PASK: variants seen among roughly 807,000 people sequenced by gnomAD.
The protein encoded by PASK is PAS domain containing serine/threonine kinase, also known as PAS domain-containing serine/threonine-protein kinase.
PASK carries 110 observed loss-of-function variants against 121.0 expected under a neutral mutation model. The observed-to-expected ratio is 0.91, with a 90% CI of 0.78 to 1.06. PASK has a LOEUF of 1.06. Ranked by LOEUF, PASK falls within the 50% of genes least tolerant of loss-of-function variation. PASK has a pLI of 0.00. For synonymous variants in PASK, 686 were observed against 717.8 expected (o/e 0.96, Z 0.71); for missense variants, 1,643 against 1,702.3 (o/e 0.97, Z 0.61).
At chr2:241,149,898 G>A, upstream of PASK, 4 of 1,439,954 alleles carry the variant, frequency 2.8e-6, no homozygotes, top group South Asian at 5.9e-5. Flanking sequence ...GGCCCCACCA[G>A]CGCAAGTGCC....
At position 241,126,329 on chromosome 2, in the gene PASK, T is replaced by G. The variant is rs768560677; in HGVS notation, c.2586A>C (p.Ala862=). The change falls in exon 10 of 18, where the codon GCA becomes GCC. Residue 862 remains alanine, a synonymous_variant. Coordinates refer to ENST00000234040, the MANE Select transcript of PASK (RefSeq NM_015148.4). ...CCTGGACGTTCAGCCTTGGCTCCTC[T>G]GCTGATGGGCACGTGTCCTCAGGGC... The part of the protein sequence containing the change: ...DAGPEDTCPS[A]EEPRLNVQVT... The G allele has an allele frequency of 1.5e-5, 24 of 1,614,228 alleles. No individual in the cohort carries two copies. In the South Asian group the frequency reaches 2.4e-4, roughly 16 times the overall value.
intron 12 of PASK, among the ~76,000 whole-genome samples, chr2:241,118,243 A>T (rs1358330235): frequency 6.6e-6 from 1 of 152,204 alleles, no homozygotes; most frequent in Non-Finnish European, 1.5e-5. Flanking sequence ...ACAAAGTTGA[A>T]GGACTAGCAT....
intron 1 of PASK, among the ~76,000 whole-genome samples, chr2:241,149,139 C>CGGGCAGGCTACACTGAA (rs1350670744): frequency 6.6e-6 from 1 of 151,042 alleles, no homozygotes; most frequent in Non-Finnish European, 1.5e-5. Flanking sequence ...CGGCGCCCAC[C>CGGGCAGGCTACACTGAA]GGGCAGGCTA....
At position 241,140,726 on chromosome 2, in the gene PASK, G is replaced by A; in HGVS notation, c.224C>T (p.Ser75Leu). Residue 75 changes from serine (S) to leucine (L), a missense_variant, in exon 3 of 18, where the codon TCA becomes TTA. Ser to Leu is a moderately radical substitution (Grantham distance 145). This residue lies in a region of PASK where 1,176 missense variants were observed against 1,162.2 expected (regional missense o/e 1.01). Coordinates refer to ENST00000234040, the MANE Select transcript of PASK (RefSeq NM_015148.4). ...SEDRWSSYCL[S>L]SLAAQNICTS... ...ACAAATATTCTGGGCAGCCAGTGAT[G>A]ATAGACAATAGGAGCTCCATCTGTC... The A allele has an allele frequency of 6.2e-7, 1 of 1,612,940 alleles. No individual in the cohort carries two copies.
rs1210730752 is a variant in PASK, at chr2:241,143,550, CAAAAAAAAAGAA to C, written c.-42-488_-42-477del. The stretch of plus-strand genomic sequence containing the variant: ...TGGGCGATAGAGAGAGACTCCATGT[CAAAAAAAAAGAA>C]AAAAAAAAAGAAGCTCTTTCCAAGA... On this transcript the variant is annotated intron_variant, in intron 1 of 17. Coordinates refer to ENST00000234040, the MANE Select transcript of PASK (RefSeq NM_015148.4). Among the ~76,000 whole-genome samples, 6 of 115,550 alleles carry C rather than the reference CAAAAAAAAAGAA, an allele frequency of 5.2e-5. No homozygotes were observed. The East Asian group carries it at 7.5e-4, about 15-fold the overall frequency. 75.8% of individuals were successfully genotyped at this position (115,550 alleles called of 152,430 possible).
intron 10 of PASK, among the ~76,000 whole-genome samples, chr2:241,124,897 T>C (rs2065785099): frequency 6.6e-6 from 1 of 152,228 alleles, no homozygotes; most frequent in South Asian, 2.1e-4. Flanking sequence ...CCAGGCATGG[T>C]GGCTCATGCC....
intron 15 of PASK, among the ~76,000 whole-genome samples, chr2:241,110,036 G>C (rs1340618841): frequency 1.3e-5 from 2 of 152,238 alleles, no homozygotes; most frequent in Admixed American, 6.5e-5. Context: ...ACAACATAAA[G>C]ATGGAAGCAA....
chr2:241,149,485 C>A, upstream of PASK: 1 of 649,462 alleles, frequency 1.5e-6, no homozygotes, highest in Non-Finnish European at 2.6e-6. Flanking sequence ...TTTTATCCCA[C>A]CGACCAATCG....
At chr2:241,122,922 T>C in intron 11 of PASK, 23 bp from the exon 12 acceptor site, 1 of 1,612,224 alleles carries the variant, frequency 6.2e-7, no homozygotes, top group Non-Finnish European at 8.5e-7. Context: ...AGAAGGTCTG[T>C]GGGGTCACAT....
In PASK at chr2:241,106,165, C is replaced by T. The variant is rs543929072; in HGVS notation, c.*401G>A. ...TGAGGAAATAAATTAATGAAATAGTCTGGCCATTTGACTAACCAGTTCTAC... is the reference window on the plus strand; with the variant it reads ...TGAGGAAATAAATTAATGAAATAGTTTGGCCATTTGACTAACCAGTTCTAC... On this transcript the variant is annotated 3_prime_UTR_variant, in exon 18 of 18. Coordinates refer to ENST00000234040, the MANE Select transcript of PASK (RefSeq NM_015148.4). 3 of 239,838 alleles carry T rather than the reference C, an allele frequency of 1.3e-5. No individual in the cohort carries two copies. Among genetic ancestry groups the T allele is most frequent in the Non-Finnish European group, 2.5e-5 (3 of 122,220 alleles). The allele number at this position is 239,838 out of a possible 1,614,324, so 14.9% of individuals were successfully genotyped here.
chr2:241,126,349 C>G lies in PASK; in HGVS notation c.2566G>C (p.Glu856Gln). The change falls in exon 10 of 18, where the codon GAG becomes CAG. Residue 856 changes from glutamate (E) to glutamine (Q), a missense_variant. Coordinates refer to ENST00000234040, the MANE Select transcript of PASK (RefSeq NM_015148.4). The stretch of plus-strand genomic sequence containing the variant: ...TCCTCTGCTGATGGGCACGTGTCCT[C>G]AGGGCCAGCATCCAACGTGGAAGGA... ...HVPSTLDAGPEDTCPSAEEPR... is the reference protein window; with the variant it reads ...HVPSTLDAGPQDTCPSAEEPR... The G allele has an allele frequency of 6.2e-7, 1 of 1,614,254 alleles. No homozygotes were observed. Among genetic ancestry groups the G allele is most frequent in the Non-Finnish European group, 8.5e-7 (1 of 1,180,048 alleles).
chr2:241,138,714 G>A lies in PASK; in HGVS notation c.681C>T (p.Cys227=), dbSNP rs143498945. Residue 227 remains cysteine (C), a synonymous_variant, in exon 5 of 18, where the codon TGC becomes TGT. Transcript: ENST00000234040. ...CCACGGGCTCCAGGACCACCACGCAGCATAGGCGGCGCTCCTGCCGCATCC... is the reference window on the plus strand; with the variant it reads ...CCACGGGCTCCAGGACCACCACGCAACATAGGCGGCGCTCCTGCCGCATCC... ...MKRMRQERRL[C]CVVVLEPVER... 1,063 of 1,614,016 alleles carry A rather than the reference G, an allele frequency of 6.6e-4. 2 individuals are homozygous for A. The highest frequency in any genetic ancestry group is 8.2e-4 in the Non-Finnish European group (968 of 1,180,018).
chr2:241,107,456 C>G lies in PASK; in HGVS notation c.3711G>C (p.Glu1237Asp). The G allele has an allele frequency of 6.2e-7, 1 of 1,614,110 alleles. No homozygotes were observed. Among genetic ancestry groups the G allele is most frequent in the Non-Finnish European group, 8.5e-7 (1 of 1,179,972 alleles). Residue 1237 changes from glutamate (E) to aspartate (D), a missense_variant, in exon 17 of 18, where the codon GAG becomes GAC. Around this residue, in one of 3 missense-constraint regions of PASK, gnomAD observed 453 missense variants for 511.2 expected, o/e 0.89. Coordinates refer to ENST00000234040, the MANE Select transcript of PASK (RefSeq NM_015148.4). ...CCAGCTTCTCCAAGGTGGTGCGTCT[C>G]TCAGGGACTGGCTGCAGCAGCCCAG... ...LVSGLLQPVP[E>D]RRTTLEKLVT... is the part of the protein sequence containing the mutation.
rs754183616 is a variant in PASK, at chr2:241,122,873, C to T, written c.2931G>A (p.Glu977=). ...CCAGTTCCACAGCCTTGGGGGGCTC[C>T]TCAAACCAGGGTCTGGCTCTGAGCA... ...VEVLRARPWF[E]EPPKAVELEG... Residue 977 remains glutamate (E), a synonymous_variant, in exon 12 of 18, where the codon GAG becomes GAA. Transcript: ENST00000234040. 1.9e-5 allele frequency: 30 copies of T among 1,613,978 alleles called. No homozygotes were observed. In the South Asian group the frequency reaches 2.4e-4, roughly 13 times the overall value.
chr2:241,133,088 C>A, intron 8 of PASK, 58 bp from the exon 9 acceptor site: 2 of 1,544,366 alleles, frequency 1.3e-6, no homozygotes, highest in Non-Finnish European at 1.8e-6. Flanking sequence ...TAAAACGAAT[C>A]TGCTCATTCG....
intron 9 of PASK, chr2:241,127,737 C>T (rs1211813621): frequency 7.0e-6 from 3 of 427,310 alleles, no homozygotes; most frequent in Non-Finnish European, 1.3e-5. Context: ...CTCGCTTCAT[C>T]TCAGGGCCCC....
chr2:241,117,116 AG>A (rs3214252), intron 12 of PASK, among the ~76,000 whole-genome samples: 28,617 of 149,010 alleles, frequency 0.19, 2,891 homozygotes, highest in Middle Eastern at 0.33. Context: ...GGGCATCGGG[AG>A]GGCATCGGGG....
rs141991120 is a variant in PASK at position 241,112,440 on chromosome 2, C to T, written c.3334-1G>A. 66 of 1,610,506 alleles carry T rather than the reference C, an allele frequency of 4.1e-5. No homozygotes were observed. The highest frequency in any genetic ancestry group is 5.2e-5 in the Non-Finnish European group (61 of 1,177,318). On this transcript the variant is annotated splice_acceptor_variant, in intron 14 of 17. Coordinates refer to ENST00000234040, the MANE Select transcript of PASK (RefSeq NM_015148.4). LOFTEE classifies it high-confidence loss of function. The surrounding 1 kb of genome is among the most constrained non-coding windows in gnomAD (Gnocchi z 5.2). ...GCAGGTATCCCACTGCTGACACTAG[C>T]TGGAATCAGGAGGCCAGAGGGGGCT...
chr2:241,108,468 T>TC lies in PASK; in HGVS notation c.3534-169dup, dbSNP rs1373307841. On this transcript the variant is annotated intron_variant, in intron 15 of 17. Transcript: ENST00000234040. This position sits in a 1 kb window ranked among gnomAD's most constrained non-coding sequence, Gnocchi z 5.2. ...AACACGCCCTCCATTTCCACGCACT[T>TC]CTGCCCCAGGCCAGCCAGCAGGCCA... 1.4e-6 allele frequency: 1 copy of TC among 712,014 alleles called. No homozygotes were observed. Among genetic ancestry groups the TC allele is most frequent in the Non-Finnish European group, 2.5e-6 (1 of 405,630 alleles). The allele number at this position is 712,014 out of a possible 1,614,324, so 44.1% of individuals were successfully genotyped here.
Sources: allele counts gnomAD v4.1 joint callset (sites outside exome capture counted in the v4.1 genomes callset), GRCh38; gene constraint gnomAD v4.1.1; regional missense constraint gnomAD v4.1.1; non-coding constraint Gnocchi (gnomAD v3.1); transcripts MANE v1.5; gene names NCBI Gene and HGNC (gene_info 2026-07-23, HGNC 2026-07-21).